Variants in MIPOL1 observed in about 807,000 individuals in gnomAD.
MIPOL1 encodes mirror-image polydactyly gene 1 protein.
In MIPOL1, 57 loss-of-function variants were observed where a neutral mutation model predicts 60.9. The ratio of observed to expected loss-of-function variants is 0.94; its 90% CI spans 0.76 to 1.17. The LOEUF (loss-of-function observed/expected upper bound fraction) is 1.17. MIPOL1 is among the 50% of genes most tolerant of loss of function. The pLI, the probability that MIPOL1 is intolerant of heterozygous loss-of-function variation, is 0.00. For synonymous variants in MIPOL1, 179 were observed against 168.8 expected, an observed-to-expected ratio of 1.06 and a Z score of -0.47; for missense variants, 551 against 511.6, an observed-to-expected ratio of 1.08 and a Z score of -0.74.
chr14:37,525,005 G>A lies in MIPOL1; in HGVS notation c.1263-21900G>A, dbSNP rs886922047. On this transcript the variant is annotated intron_variant, in intron 12 of 12. Coordinates refer to ENST00000684589, the MANE Select transcript of MIPOL1 (RefSeq NM_001388067.1). ...TGGACAGCTGCTAAAATATTTTGGC[G>A]AAATAAGAATAAAAGGGGTCCTTAA... Among the ~76,000 whole-genome samples, 21 of 152,100 alleles carry A rather than the reference G, an allele frequency of 1.4e-4. No homozygotes were observed. In the East Asian group the frequency reaches 3.5e-3, roughly 25 times the overall value.
Position 37,547,129 on chromosome 14 carries a change from G to A in MIPOL1, c.*158G>A. 1 of 603,554 alleles carries A rather than the reference G, an allele frequency of 1.7e-6. No homozygotes were observed. The highest frequency in any genetic ancestry group is 2.9e-6 in the Non-Finnish European group (1 of 343,722). The allele number at this position is 603,554 out of a possible 1,614,324, so 37.4% of individuals were successfully genotyped here. ...GCTGAGATAAAATCAAATCACAAAT[G>A]TTTAACCACTTTGCTGCTGACTTGA... is the stretch of plus-strand genomic sequence containing the variant. On this transcript the variant is annotated 3_prime_UTR_variant, in exon 13 of 13. Transcript: ENST00000684589.
intron 10 of MIPOL1, among the ~76,000 whole-genome samples, chr14:37,414,388 G>A (rs2093729084): frequency 6.6e-6 from 1 of 152,168 alleles, no homozygotes. Context: ...AATTGTGGGT[G>A]AAGTGACAGC....
At chr14:37,372,026 T>C (rs1038738495) in intron 10 of MIPOL1, among the ~76,000 whole-genome samples, 2 of 152,124 alleles carry the variant, frequency 1.3e-5, no homozygotes, top group African/African-American at 4.8e-5. Context: ...AACAACTCTT[T>C]AAAAACGATT....
intron 1 of MIPOL1, among the ~76,000 whole-genome samples, chr14:37,223,113 A>C (rs543591912): frequency 3.9e-5 from 6 of 152,064 alleles, no homozygotes; most frequent in Non-Finnish European, 8.8e-5. Flanking sequence ...GCTTACCGCA[A>C]ACTCCACCTC....
At chr14:37,536,151 A>G (rs1486672241) in intron 12 of MIPOL1, among the ~76,000 whole-genome samples, 1 of 152,200 alleles carries the variant, frequency 6.6e-6, no homozygotes, top group Non-Finnish European at 1.5e-5. Flanking sequence ...GGAGAAATCA[A>G]CAAACTAATT....
chr14:37,539,555 C>T (rs2095521425), intron 12 of MIPOL1, among the ~76,000 whole-genome samples: 1 of 152,158 alleles, frequency 6.6e-6, no homozygotes, highest in Admixed American at 6.5e-5. Context: ...AAACACTAGA[C>T]ATGCCGAGAG....
intron 1 of MIPOL1, among the ~76,000 whole-genome samples, chr14:37,229,495 A>G (rs1198984760): frequency 6.6e-6 from 1 of 152,180 alleles, no homozygotes; most frequent in Non-Finnish European, 1.5e-5. Flanking sequence ...CCAAAAAACA[A>G]AACAAAACCC....
At chr14:37,267,217 G>GCCACCACGCC in intron 4 of MIPOL1, 48 bp downstream of exon 4, 3 of 1,430,952 alleles carry the variant, frequency 2.1e-6, no homozygotes, top group Non-Finnish European at 2.9e-6. Context: ...GCCAGGCGTG[G>GCCACCACGCC]TGGCTCATGC....
Position 37,517,748 on chromosome 14 carries a change from G to A in MIPOL1, c.1262+17610G>A, listed in dbSNP as rs1477258148. On this transcript the variant is annotated intron_variant, in intron 12 of 12. Coordinates refer to ENST00000684589, the MANE Select transcript of MIPOL1 (RefSeq NM_001388067.1). ...TATTGAGTGATTTCCAGGACAGATT[G>A]CTAACTGAAAAAAATCAAGTGCTTC... Among the ~76,000 whole-genome samples the A allele has an allele frequency of 2.0e-5, 3 of 152,248 alleles. No homozygotes were observed. The East Asian group carries it at 5.8e-4, about 29-fold the overall frequency.
intron 9 of MIPOL1, among the ~76,000 whole-genome samples, chr14:37,335,556 A>G (rs2090044314): frequency 6.6e-6 from 1 of 152,016 alleles, no homozygotes; most frequent in Admixed American, 6.6e-5. Context: ...CAATGTCATC[A>G]ATGTTGATTT....
intron 12 of MIPOL1, among the ~76,000 whole-genome samples, chr14:37,523,932 A>G (rs2095430081): frequency 6.6e-6 from 1 of 152,164 alleles, no homozygotes; most frequent in African/African-American, 2.4e-5. Context: ...CAGGAGAAAA[A>G]GCCTTCTGTA....
chr14:37,207,302 C>A (rs1966243838), intron 1 of MIPOL1, among the ~76,000 whole-genome samples: 1 of 152,110 alleles, frequency 6.6e-6, no homozygotes, highest in Non-Finnish European at 1.5e-5. Flanking sequence ...CTCCTGCCAC[C>A]ACCATGTGAA....
Position 37,360,564 on chromosome 14 carries a change from G to T in MIPOL1, c.829-8953G>T, listed in dbSNP as rs187719996. Among the ~76,000 whole-genome samples the T allele has an allele frequency of 9.6e-4, 146 of 152,216 alleles. 1 individual carries two copies. Among genetic ancestry groups the T allele is most frequent in the Middle Eastern group, 6.8e-3 (2 of 294 alleles). On this transcript the variant is annotated intron_variant, in intron 9 of 12. Coordinates refer to ENST00000684589, the MANE Select transcript of MIPOL1 (RefSeq NM_001388067.1). ...GTCTTGGGAGGGTGTACGTGTCCAG[G>T]AATTCATCCATTTCTTCTAGATTTT...
Position 37,546,376 on chromosome 14 carries a change from A to G in MIPOL1, c.1263-529A>G, listed in dbSNP as rs138526605. Among the ~76,000 whole-genome samples, 292 of 152,310 alleles carry G rather than the reference A, an allele frequency of 1.9e-3. 1 individual carries two copies. Among genetic ancestry groups the G allele is most frequent in the Non-Finnish European group, 3.1e-4 (21 of 68,030 alleles). ...TATTTCCATGCTACTGTAACTTGAA[A>G]TGTTTCCCACCTAACCACTATTTCT... On this transcript the variant is annotated intron_variant, in intron 12 of 12. Coordinates refer to ENST00000684589, the MANE Select transcript of MIPOL1 (RefSeq NM_001388067.1).
intron 9 of MIPOL1, among the ~76,000 whole-genome samples, chr14:37,366,730 A>G (rs933182841): frequency 1.3e-5 from 2 of 152,028 alleles, no homozygotes; most frequent in Admixed American, 6.6e-5. Flanking sequence ...AAATATGTTC[A>G]TCTCTGAAAG....
At chr14:37,403,432 CTTTTTTTTT>C (rs11415779) in intron 10 of MIPOL1, among the ~76,000 whole-genome samples, 1 of 94,118 alleles carries the variant, frequency 1.1e-5, no homozygotes, top group South Asian at 4.2e-4. Flanking sequence ...AGGTTTCTAG[CTTTTTTTTT>C]TTTTTTTTTT....
chr14:37,283,981 T>G (rs2084340196), intron 6 of MIPOL1, among the ~76,000 whole-genome samples: 1 of 152,200 alleles, frequency 6.6e-6, no homozygotes. Flanking sequence ...CCTCCCAAAG[T>G]GCTGGGATTA....
Position 37,499,924 on chromosome 14 carries a change from T to C in MIPOL1, c.1048T>C (p.Ser350Pro), listed in dbSNP as rs1221883544. The C allele has an allele frequency of 6.3e-7, 1 of 1,578,354 alleles. No homozygotes were observed. Among genetic ancestry groups the C allele is most frequent in the South Asian group, 1.2e-5 (1 of 86,182 alleles). The change falls in exon 12 of 13, where the codon TCT becomes CCT. Residue 350 changes from serine (S) to proline (P), a missense_variant. Transcript: ENST00000684589. Reference sequence around the variant, plus strand: ...TTTTCTCAGTTTACACAAATCTTTATCTCAAGAAGAAAATCTGAAGGATCA... The same window carrying C: ...TTTTCTCAGTTTACACAAATCTTTACCTCAAGAAGAAAATCTGAAGGATCA... ...RVYYSLHKSL[S>P]QEENLKDQFN...
intron 9 of MIPOL1, among the ~76,000 whole-genome samples, chr14:37,336,403 T>A (rs2090122400): frequency 6.7e-6 from 1 of 149,578 alleles, no homozygotes; most frequent in African/African-American, 2.4e-5. Context: ...TTATTATTAT[T>A]ATATAATGCC....
Sources: allele counts gnomAD v4.1 joint callset (sites outside exome capture counted in the v4.1 genomes callset), GRCh38; gene constraint gnomAD v4.1.1; transcripts MANE v1.5; gene names NCBI Gene and HGNC (gene_info 2026-07-23, HGNC 2026-07-21).